The following TENM2 variants were observed in gnomAD, a reference collection of about 807,000 sequenced individuals.
The protein encoded by TENM2 is teneurin transmembrane protein 2.
A neutral mutation model predicts 245.2 loss-of-function variants in TENM2; 52 were observed. The observed-to-expected ratio is 0.21, with a 90% confidence interval of 0.17 to 0.27. TENM2 has a LOEUF of 0.27. Among genes scored for constraint, TENM2 ranks in the 10% least tolerant of loss-of-function variants. TENM2 has a pLI of 1.00. For synonymous variants in TENM2, 1,363 were observed against 1,438.9 expected, an observed-to-expected ratio of 0.95 and a Z score of 1.19; for missense variants, 3,046 against 3,666.8, an observed-to-expected ratio of 0.83 and a Z score of 4.37.
the TENM2 span, among the ~76,000 whole-genome samples, chr5:167,204,806 G>A: frequency 6.6e-6 from 1 of 152,118 alleles, no homozygotes; most frequent in African/African-American, 2.4e-5. Context: ...TTTTTGCCAT[G>A]GGCATGTAAA....
At chr5:168,029,853 T>C (rs1344740549) in intron 5 of TENM2, among the ~76,000 whole-genome samples, 1 of 152,362 alleles carries the variant, frequency 6.6e-6, no homozygotes, top group African/African-American at 2.4e-5. Context: ...GGGGAGGATG[T>C]GGATGAATTA....
chr5:168,242,128 C>T (rs1766154755), intron 25 of TENM2, among the ~76,000 whole-genome samples: 1 of 152,226 alleles, frequency 6.6e-6, no homozygotes, highest in African/African-American at 2.4e-5. Flanking sequence ...GATTGCCTAG[C>T]TCTCAGCTGA....
At chr5:167,585,831 T>C (rs1368904070) in intron 2 of TENM2, among the ~76,000 whole-genome samples, 1 of 152,084 alleles carries the variant, frequency 6.6e-6, no homozygotes, top group Admixed American at 6.6e-5. Flanking sequence ...AAAATAAGAA[T>C]AATAAAAAAG....
At chr5:167,853,438 G>A (rs751958745) in intron 2 of TENM2, among the ~76,000 whole-genome samples, 1 of 151,944 alleles carries the variant, frequency 6.6e-6, no homozygotes, top group Non-Finnish European at 1.5e-5. Flanking sequence ...AATAAATAAG[G>A]TTCTGTGACC....
the TENM2 span, among the ~76,000 whole-genome samples, chr5:167,079,418 A>C: frequency 6.6e-6 from 1 of 150,812 alleles, no homozygotes; most frequent in Non-Finnish European, 1.5e-5. Context: ...GGTTCAAGAG[A>C]TTCTCCTGTC....
intron 5 of TENM2, among the ~76,000 whole-genome samples, chr5:168,010,358 T>G (rs1404366671): frequency 6.6e-6 from 1 of 152,118 alleles, no homozygotes; most frequent in Non-Finnish European, 1.5e-5. Flanking sequence ...AAAGTGGAGT[T>G]TGGAATAAAG....
chr5:167,094,338 A>AC, the TENM2 span, among the ~76,000 whole-genome samples: 1 of 151,882 alleles, frequency 6.6e-6, no homozygotes, highest in Non-Finnish European at 1.5e-5. Flanking sequence ...CCTTTCTTCC[A>AC]CCCCTATTCC....
At chr5:167,175,646 C>G in the TENM2 span, among the ~76,000 whole-genome samples, 3 of 152,178 alleles carry the variant, frequency 2.0e-5, no homozygotes, top group Non-Finnish European at 4.4e-5. Context: ...AAAAGGCCCT[C>G]ATTTCCTCTG....
At chr5:167,470,266 A>G (rs1766927943) in intron 2 of TENM2, among the ~76,000 whole-genome samples, 1 of 152,098 alleles carries the variant, frequency 6.6e-6, no homozygotes, top group Non-Finnish European at 1.5e-5. Context: ...TTAAGCAGGA[A>G]GTTATGTTTG....
intron 2 of TENM2, among the ~76,000 whole-genome samples, chr5:167,581,202 T>G (rs1049227963): frequency 1.3e-5 from 2 of 152,188 alleles, no homozygotes; most frequent in African/African-American, 4.8e-5. Flanking sequence ...TAATACAAAT[T>G]CACAAGCTGT....
intron 1 of TENM2, among the ~76,000 whole-genome samples, chr5:167,319,353 T>A (rs1466662560): frequency 6.6e-6 from 1 of 152,180 alleles, no homozygotes; most frequent in Admixed American, 6.5e-5. Context: ...TTTCTTTTGG[T>A]TAGTTGGGTG....
intron 3 of TENM2, among the ~76,000 whole-genome samples, chr5:167,917,497 A>G (rs1024992179): frequency 1.3e-5 from 2 of 152,048 alleles, no homozygotes; most frequent in Non-Finnish European, 2.9e-5. Flanking sequence ...ATTTCCACCT[A>G]TTTGGGAGTA....
chr5:167,715,492 T>A (rs1759196329), intron 2 of TENM2, among the ~76,000 whole-genome samples: 1 of 152,204 alleles, frequency 6.6e-6, no homozygotes, highest in South Asian at 2.1e-4. Flanking sequence ...AATTAAAATA[T>A]CATTTTCAAT....
At chr5:167,601,480 C>A (rs1683045730) in intron 2 of TENM2, among the ~76,000 whole-genome samples, 1 of 152,198 alleles carries the variant, frequency 6.6e-6, no homozygotes, top group African/African-American at 2.4e-5. Context: ...AGCACTTGGG[C>A]AGCATAAAAA....
chr5:167,185,026 T>G, the TENM2 span, among the ~76,000 whole-genome samples: 92 of 152,298 alleles, frequency 6.0e-4, no homozygotes, highest in African/African-American at 2.2e-3. Flanking sequence ...AGAACTCAGC[T>G]TCTTCACCTG....
chr5:167,125,417 C>T, the TENM2 span, among the ~76,000 whole-genome samples: 2 of 152,216 alleles, frequency 1.3e-5, no homozygotes, highest in Non-Finnish European at 2.9e-5. Flanking sequence ...AGGCAAGATT[C>T]ACTAAAGAAT....
At chr5:168,140,243 C>G (rs1334914739) in intron 12 of TENM2, among the ~76,000 whole-genome samples, 1 of 152,220 alleles carries the variant, frequency 6.6e-6, no homozygotes, top group Non-Finnish European at 1.5e-5. Context: ...TCACAGCAAG[C>G]CTGTGAAGCA....
At chr5:167,101,846 TA>T in the TENM2 span, among the ~76,000 whole-genome samples, 1 of 105,050 alleles carries the variant, frequency 9.5e-6, no homozygotes, top group Non-Finnish European at 1.8e-5. Context: ...TATATATATA[TA>T]TTTATATATA....
chr5:167,112,519 T>G, the TENM2 span, among the ~76,000 whole-genome samples: 1 of 152,208 alleles, frequency 6.6e-6, no homozygotes, highest in African/African-American at 2.4e-5. Flanking sequence ...AGTTGAAATC[T>G]GACGATAACC....
Sources: allele counts gnomAD v4.1 joint callset (sites outside exome capture counted in the v4.1 genomes callset), GRCh38; gene constraint gnomAD v4.1.1; transcripts MANE v1.5; gene names NCBI Gene and HGNC (gene_info 2026-07-23, HGNC 2026-07-21).